Variants in LRRC4C observed in about 807,000 individuals in gnomAD.
LRRC4C encodes the protein leucine rich repeat containing 4C.
Under a neutral mutation model 33.6 loss-of-function variants are expected in LRRC4C, and 5 were observed. That is an observed-to-expected ratio of 0.15 (90% CI 0.08 to 0.31). The LOEUF is 0.31. Ranked by LOEUF, LRRC4C falls within the 10% of genes least tolerant of loss-of-function variation. LRRC4C has a pLI of 1.00. For synonymous variants in LRRC4C, 329 were observed against 302.0 expected (o/e 1.09, Z -0.93); for missense variants, 560 against 796.7 (o/e 0.70, Z 3.58).
At chr11:40,349,520 C>T (rs1269028303) in intron 3 of LRRC4C, among the ~76,000 whole-genome samples, 1 of 152,052 alleles carries the variant, frequency 6.6e-6, no homozygotes, top group African/African-American at 2.4e-5. Flanking sequence ...GTGGATAGTG[C>T]TGCAATTAAC....
At chr11:40,269,651 G>C (rs78741790) in intron 4 of LRRC4C, among the ~76,000 whole-genome samples, 6,341 of 152,002 alleles carry the variant, frequency 0.042, 192 homozygotes, top group Non-Finnish European at 0.056. Flanking sequence ...AGTTTAACCT[G>C]AGTTCTGTTT....
rs189052792 is a variant in LRRC4C at position 40,776,682 on chromosome 11, G to T, written c.-406-128404C>A. On this transcript the variant is annotated intron_variant, in intron 2 of 6. Coordinates refer to ENST00000528697, the MANE Select transcript of LRRC4C (RefSeq NM_001258419.2). ...GTTTATACTTTCCAAAGAAATTTTTGGTTTGGTTAACTTATTGTATTGATT... is the reference window on the plus strand; with the variant it reads ...GTTTATACTTTCCAAAGAAATTTTTTGTTTGGTTAACTTATTGTATTGATT... Among the ~76,000 whole-genome samples, 288 of 151,702 alleles carry T rather than the reference G, an allele frequency of 1.9e-3. 2 individuals carry two copies. The highest frequency in any genetic ancestry group is 6.7e-3 in the African/African-American group (276 of 41,436).
chr11:40,456,510 T>C (rs1186314209), intron 3 of LRRC4C, among the ~76,000 whole-genome samples: 2 of 151,778 alleles, frequency 1.3e-5, no homozygotes, highest in Non-Finnish European at 2.9e-5. Context: ...ACAGAAAATA[T>C]GGAAGAACTC....
intron 4 of LRRC4C, among the ~76,000 whole-genome samples, chr11:40,316,651 C>G (rs1170017226): frequency 6.6e-6 from 1 of 151,892 alleles, no homozygotes; most frequent in African/African-American, 2.4e-5. Flanking sequence ...ACAAAGCGTT[C>G]TTGGAAAATT....
intron 1 of LRRC4C, among the ~76,000 whole-genome samples, chr11:41,203,043 C>T (rs1333863360): frequency 6.6e-6 from 1 of 152,230 alleles, no homozygotes; most frequent in African/African-American, 2.4e-5. Flanking sequence ...GCCTCAGCCT[C>T]CCAAGGTGCT....
intron 3 of LRRC4C, among the ~76,000 whole-genome samples, chr11:40,375,407 G>A (rs772445077): frequency 6.6e-6 from 1 of 151,996 alleles, no homozygotes; most frequent in Non-Finnish European, 1.5e-5. Context: ...AAATCAACAC[G>A]CCATCCCTGA....
chr11:41,067,772 C>T lies in LRRC4C; in HGVS notation c.-495-134049G>A, dbSNP rs554237047. Among the ~76,000 whole-genome samples the T allele has an allele frequency of 7.2e-5, 11 of 152,158 alleles. No individual in the cohort carries two copies. The East Asian group carries it at 7.7e-4, about 11-fold the overall frequency. ...AAACTCACTTAAAACCACACAACTA[C>T]GTGGAAATTGAACAACTTGCTCCTG... On this transcript the variant is annotated intron_variant, in intron 1 of 6. Transcript: ENST00000528697.
intron 1 of LRRC4C, among the ~76,000 whole-genome samples, chr11:40,948,701 C>A (rs1958542685): frequency 6.7e-6 from 1 of 148,578 alleles, no homozygotes; most frequent in Admixed American, 6.8e-5. Flanking sequence ...ATGAACTCAT[C>A]ATTTTTTATG....
intron 1 of LRRC4C, among the ~76,000 whole-genome samples, chr11:41,128,853 T>C (rs1942877727): frequency 6.6e-6 from 1 of 152,052 alleles, no homozygotes; most frequent in African/African-American, 2.4e-5. Flanking sequence ...TGTGAGGATA[T>C]AACTTCATAT....
At chr11:40,997,373 T>A (rs2137329022) in intron 1 of LRRC4C, among the ~76,000 whole-genome samples, 1 of 152,078 alleles carries the variant, frequency 6.6e-6, no homozygotes, top group Non-Finnish European at 1.5e-5. Flanking sequence ...GAAGAGAAAG[T>A]TTCCTGAGTT....
At chr11:41,210,560 G>A (rs1302378310) in intron 1 of LRRC4C, among the ~76,000 whole-genome samples, 1 of 152,054 alleles carries the variant, frequency 6.6e-6, no homozygotes, top group Non-Finnish European at 1.5e-5. Flanking sequence ...GCATGAAAAT[G>A]GACTAATACA....
chr11:41,108,166 A>G (rs1305983842), intron 1 of LRRC4C, among the ~76,000 whole-genome samples: 1 of 152,106 alleles, frequency 6.6e-6, no homozygotes, highest in Non-Finnish European at 1.5e-5. Flanking sequence ...TCATTATATT[A>G]TGTTCTAATT....
intron 1 of LRRC4C, among the ~76,000 whole-genome samples, chr11:41,249,962 G>A (rs1464025700): frequency 4.6e-5 from 7 of 151,658 alleles, no homozygotes; most frequent in Non-Finnish European, 1.0e-4. Flanking sequence ...TCAGGAGTTC[G>A]AGACCAACCT....
At chr11:40,462,293 A>G (rs1411303892) in intron 3 of LRRC4C, among the ~76,000 whole-genome samples, 1 of 152,124 alleles carries the variant, frequency 6.6e-6, no homozygotes, top group African/African-American at 2.4e-5. Flanking sequence ...AGGAGGGAAC[A>G]TATTATTAGT....
intron 3 of LRRC4C, among the ~76,000 whole-genome samples, chr11:40,387,134 C>T (rs1949142347): frequency 6.6e-6 from 1 of 152,062 alleles, no homozygotes; most frequent in Non-Finnish European, 1.5e-5. Context: ...TAGAATTATT[C>T]CTTTTTTATT....
At chr11:41,251,902 C>T (rs1385522675) in intron 1 of LRRC4C, among the ~76,000 whole-genome samples, 1 of 151,856 alleles carries the variant, frequency 6.6e-6, no homozygotes, top group Non-Finnish European at 1.5e-5. Context: ...GCATTATATT[C>T]ATGAGGTATC....
chr11:41,096,420 T>A (rs1160817749), intron 1 of LRRC4C, among the ~76,000 whole-genome samples: 1 of 152,072 alleles, frequency 6.6e-6, no homozygotes, highest in African/African-American at 2.4e-5. Flanking sequence ...ATCAATCCCA[T>A]CAGAGAAGCC....
At chr11:40,461,532 A>C (rs879769761) in intron 3 of LRRC4C, among the ~76,000 whole-genome samples, 3 of 152,040 alleles carry the variant, frequency 2.0e-5, no homozygotes, top group Non-Finnish European at 4.4e-5. Flanking sequence ...ACACATACTC[A>C]GTGCTCAGCA....
At chr11:40,891,917 C>T (rs969363240) in intron 2 of LRRC4C, among the ~76,000 whole-genome samples, 1 of 151,912 alleles carries the variant, frequency 6.6e-6, no homozygotes, top group Non-Finnish European at 1.5e-5. Flanking sequence ...GGGTGTATCA[C>T]GAGTTCAGGA....
Sources: allele counts gnomAD v4.1 joint callset (sites outside exome capture counted in the v4.1 genomes callset), GRCh38; gene constraint gnomAD v4.1.1; transcripts MANE v1.5; gene names NCBI Gene and HGNC (gene_info 2026-07-23, HGNC 2026-07-21).